MIX23: variants seen among roughly 807,000 people sequenced by gnomAD.
MIX23 encodes the protein protein MIX23.
Under a neutral mutation model 21.6 loss-of-function variants are expected in MIX23, and 13 were observed. The observed-to-expected ratio is 0.60, with a 90% CI of 0.39 to 0.96. MIX23 has a LOEUF of 0.96. Ranked by LOEUF, MIX23 falls within the 40% of genes least tolerant of loss-of-function variation. The pLI, the probability that MIX23 is intolerant of heterozygous loss-of-function variation, is 0.00. For synonymous variants in MIX23, 59 were observed against 58.0 expected, an observed-to-expected ratio of 1.02 and a Z score of -0.08; for missense variants, 144 against 171.2, an observed-to-expected ratio of 0.84 and a Z score of 0.89.
At chr3:122,372,674 T>G (rs2075451293) in intron 1 of MIX23, among the ~76,000 whole-genome samples, 1 of 151,838 alleles carries the variant, frequency 6.6e-6, no homozygotes, top group Non-Finnish European at 1.5e-5. Flanking sequence ...AAAAAAAAAT[T>G]TTTTTTAATT....
intron 1 of MIX23, among the ~76,000 whole-genome samples, chr3:122,378,532 C>T (rs1227663643): frequency 6.6e-6 from 1 of 152,206 alleles, no homozygotes; most frequent in East Asian, 1.9e-4. Context: ...GTATGGCCTA[C>T]TTACACACTT....
At chr3:122,375,409 T>A (rs2075477394) in intron 1 of MIX23, among the ~76,000 whole-genome samples, 1 of 152,258 alleles carries the variant, frequency 6.6e-6, no homozygotes, top group Admixed American at 6.5e-5. Context: ...GTGATTACTG[T>A]TCATTGTCTG....
chr3:122,364,159 A>C (rs1293946393), intron 3 of MIX23, among the ~76,000 whole-genome samples: 1 of 152,260 alleles, frequency 6.6e-6, no homozygotes, highest in Non-Finnish European at 1.5e-5. Context: ...AACAACGATA[A>C]GAATGGAACT....
At chr3:122,360,873 C>T (rs1248556131) in intron 4 of MIX23, among the ~76,000 whole-genome samples, 1 of 152,100 alleles carries the variant, frequency 6.6e-6, no homozygotes, top group Non-Finnish European at 1.5e-5. Flanking sequence ...GACGGAGTTT[C>T]GCTCTTGTCG....
Position 122,371,708 on chromosome 3 carries a change from A to G in MIX23, c.144T>C (p.Asp48=). The part of the protein sequence containing the change: ...VPTASFAGKI[D]ASQTCKQLYE... ...AAAGTTGTTTACAGGTTTGGCTGGC[A>G]TCAATTTTCCCTGCAAAGGAAGCTG... The change falls in exon 2 of 5, where the codon GAT becomes GAC. Residue 48 remains aspartate (D), a synonymous_variant. Transcript: ENST00000291458. 6.2e-7 allele frequency: 1 copy of G among 1,612,612 alleles called. No individual in the cohort carries two copies.
chr3:122,366,275 T>C (rs771408019), intron 3 of MIX23, among the ~76,000 whole-genome samples: 2 of 152,162 alleles, frequency 1.3e-5, no homozygotes, highest in Non-Finnish European at 2.9e-5. Context: ...CATCACTGCA[T>C]AAGGTCACTG....
intron 1 of MIX23, among the ~76,000 whole-genome samples, chr3:122,373,908 A>G (rs1023125487): frequency 1.3e-5 from 2 of 152,086 alleles, no homozygotes; most frequent in Non-Finnish European, 2.9e-5. Context: ...TATTCTCTGT[A>G]AACTGGAATT....
intron 2 of MIX23, among the ~76,000 whole-genome samples, chr3:122,369,166 G>A (rs2075419267): frequency 6.6e-6 from 1 of 152,098 alleles, no homozygotes; most frequent in Admixed American, 6.6e-5. Context: ...GTTCAGTATT[G>A]ATTTTTATGT....
chr3:122,378,585 T>C (rs918638025), intron 1 of MIX23, among the ~76,000 whole-genome samples: 11 of 152,218 alleles, frequency 7.2e-5, no homozygotes, highest in Non-Finnish European at 1.5e-4. Flanking sequence ...TACAAACCTA[T>C]ACAGCAGGTT....
At chr3:122,382,368 G>A (rs980472742) in intron 1 of MIX23, among the ~76,000 whole-genome samples, 16 of 152,140 alleles carry the variant, frequency 1.1e-4, no homozygotes, top group African/African-American at 3.9e-4. Context: ...GGAGGCTGAG[G>A]CAGTATTCAA....
intron 1 of MIX23, chr3:122,372,961 A>G (rs763465490): frequency 1.5e-5 from 6 of 388,808 alleles, no homozygotes; most frequent in Admixed American, 8.4e-5. Context: ...TTTTTCCCTC[A>G]ATATACTATG....
chr3:122,383,181 T>A lies in MIX23; in HGVS notation c.44A>T (p.Glu15Val). 6.2e-7 allele frequency: 1 copy of A among 1,613,640 alleles called. No homozygotes were observed. Among genetic ancestry groups the A allele is most frequent in the Non-Finnish European group, 8.5e-7 (1 of 1,180,026 alleles). Reference protein sequence around the residue: ...SGGVNCEEFAEFQELLKVMRT... With the variant: ...SGGVNCEEFAVFQELLKVMRT... ...TGAGGAAAACCCCATCACCTGGAAC[T>A]CGGCGAACTCCTCACAGTTCACACC... Residue 15 changes from glutamate (E) to valine (V), a missense_variant, in exon 1 of 5, where the codon GAG (glutamate) becomes GTG (valine). Transcript: ENST00000291458.
chr3:122,360,588 T>A (rs1445515356), intron 4 of MIX23, among the ~76,000 whole-genome samples: 2 of 152,170 alleles, frequency 1.3e-5, no homozygotes, highest in South Asian at 4.1e-4. Flanking sequence ...TTACTATTTT[T>A]AAAATTTTTA....
chr3:122,382,081 G>C (rs953559183), intron 1 of MIX23, among the ~76,000 whole-genome samples: 1 of 152,194 alleles, frequency 6.6e-6, no homozygotes, highest in Non-Finnish European at 1.5e-5. Context: ...GCTAAAATGG[G>C]ATTCTAGGCA....
rs2075435801 is a variant in MIX23, at chr3:122,370,808, C to T, written c.177+867G>A. ...AATACTGAATTCTACTCATTAAAGT[C>T]CACAATCTTATGATTTTCTCAAAGA... is the stretch of plus-strand genomic sequence containing the variant. On this transcript the variant is annotated intron_variant, in intron 2 of 4. Coordinates refer to ENST00000291458, the MANE Select transcript of MIX23 (RefSeq NM_001017928.4). Among the ~76,000 whole-genome samples the T allele has an allele frequency of 1.3e-5, 2 of 152,122 alleles. 1 individual carries two copies. Among genetic ancestry groups the T allele is most frequent in the South Asian group, 4.2e-4 (2 of 4,818 alleles).
At chr3:122,372,263 A>G (rs1486652028) in intron 1 of MIX23, among the ~76,000 whole-genome samples, 1 of 151,666 alleles carries the variant, frequency 6.6e-6, no homozygotes, top group Non-Finnish European at 1.5e-5. Flanking sequence ...CAGAAAAATA[A>G]TATCAAAAGG....
At chr3:122,361,178 G>C (rs2075355903) in intron 4 of MIX23, among the ~76,000 whole-genome samples, 1 of 152,076 alleles carries the variant, frequency 6.6e-6, no homozygotes, top group Non-Finnish European at 1.5e-5. Context: ...TAAGCTGAGT[G>C]GTAGATACAT....
intron 3 of MIX23, 145 bp downstream of exon 3, chr3:122,368,031 T>A: frequency 1.5e-6 from 1 of 665,728 alleles, no homozygotes; most frequent in South Asian, 1.9e-5. Flanking sequence ...AAAATAAAGC[T>A]CACTAAAAAT....
At position 122,371,714 on chromosome 3, in the gene MIX23, T is replaced by A; in HGVS notation, c.138A>T (p.Lys46Asn). ...GTTTACAGGTTTGGCTGGCATCAAT[T>A]TTCCCTGCAAAGGAAGCTGTTGGAA... ...TTVPTASFAG[K>N]IDASQTCKQL... The change falls in exon 2 of 5, where the codon AAA (lysine) becomes AAT (asparagine). Residue 46 changes from lysine (K) to asparagine (N), a missense_variant. Lys to Asn is a moderately conservative substitution (Grantham distance 94, BLOSUM62 0). Transcript: ENST00000291458. 6.2e-7 allele frequency: 1 copy of A among 1,612,664 alleles called. No homozygotes were observed. The highest frequency in any genetic ancestry group is 8.5e-7 in the Non-Finnish European group (1 of 1,179,862).
Sources: gnomAD v4.1 joint callset for allele counts (sites outside exome capture counted in the v4.1 genomes callset) on GRCh38, gnomAD v4.1.1 for gene constraint, MANE v1.5 for transcripts, NCBI Gene and HGNC (gene_info 2026-07-23, HGNC 2026-07-21) for gene names.